The following AFF3 variants were observed in gnomAD, a reference collection of about 807,000 sequenced individuals.
AFF3 encodes ALF transcription elongation factor 3, also known as AF4/FMR2 family member 3.
AFF3 carries 32 observed loss-of-function variants against 129.7 expected under a neutral mutation model. That is an observed-to-expected ratio of 0.25 (90% CI 0.19 to 0.33). AFF3 has a LOEUF of 0.33. Ranked by LOEUF, AFF3 falls within the 10% of genes least tolerant of loss-of-function variation. The probability of loss-of-function intolerance (pLI) is 1.00; values close to 1 mark genes in which losing one functional copy is unlikely to be tolerated. For synonymous variants in AFF3, 644 were observed against 635.4 expected, an observed-to-expected ratio of 1.01 and a Z score of -0.20; for missense variants, 1,373 against 1,592.0, an observed-to-expected ratio of 0.86 and a Z score of 2.34.
At chr2:99,595,274 G>C (rs1679170192) in intron 14 of AFF3, among the ~76,000 whole-genome samples, 1 of 152,190 alleles carries the variant, frequency 6.6e-6, no homozygotes, top group African/African-American at 2.4e-5. Flanking sequence ...AGAGAAAACA[G>C]GTGTATTGAG....
At chr2:99,867,081 C>T (rs1231431708) in intron 7 of AFF3, among the ~76,000 whole-genome samples, 1 of 151,568 alleles carries the variant, frequency 6.6e-6, no homozygotes, top group South Asian at 2.1e-4. Context: ...CCCTGCCTCA[C>T]AAGAAAGGGG....
At chr2:99,984,205 T>C (rs17023356) in intron 7 of AFF3, among the ~76,000 whole-genome samples, 1,859 of 152,282 alleles carry the variant, frequency 0.012, 30 homozygotes, top group African/African-American at 0.042. Context: ...CTGAACATAA[T>C]ATGGACAGTG....
intron 5 of AFF3, among the ~76,000 whole-genome samples, chr2:100,008,518 A>G (rs62149313): frequency 0.27 from 40,331 of 151,840 alleles, 8,148 homozygotes; most frequent in African/African-American, 0.56. Context: ...TTGACCTTAT[A>G]ATATGTCAAC....
rs70940192 is a variant in AFF3 at position 99,962,850 on chromosome 2, AAATAATAAT to A, written c.873+43773_873+43781del. On this transcript the variant is annotated intron_variant, in intron 7 of 24. Coordinates refer to ENST00000672756, the MANE Select transcript of AFF3 (RefSeq NM_001386135.1). ...GGAAAGTATGGATGAAAGAGTATTC[AAATAATAAT>A]AATAATAATAATAATAATAATAATA... 4.1e-3 allele frequency among the ~76,000 whole-genome samples: 577 copies of A among 142,056 alleles called. 3 individuals carry two copies. Among genetic ancestry groups the A allele is most frequent in the Middle Eastern group, 0.018 (5 of 278 alleles). The allele number at this position is 142,056 out of a possible 152,430, so 93.2% of individuals were successfully genotyped here. A position where few individuals can be genotyped will look rare whatever the true frequency, so the allele number is the denominator to read the frequency against.
chr2:99,704,389 C>T (rs17022933), intron 11 of AFF3, among the ~76,000 whole-genome samples: 10,623 of 152,164 alleles, frequency 0.07, 438 homozygotes, highest in East Asian at 0.11. Flanking sequence ...GCTGAGCCTC[C>T]TGGAAGACCT....
intron 8 of AFF3, among the ~76,000 whole-genome samples, chr2:99,768,881 T>G (rs528387726): frequency 1.3e-5 from 2 of 152,246 alleles, no homozygotes; most frequent in African/African-American, 2.4e-5. Context: ...TGGAGCACCA[T>G]AGTATGTTAC....
chr2:99,776,862 G>A (rs1683942718), intron 8 of AFF3, among the ~76,000 whole-genome samples: 1 of 152,214 alleles, frequency 6.6e-6, no homozygotes, highest in Non-Finnish European at 1.5e-5. Flanking sequence ...GCATAAGGCA[G>A]AAAATCAGAC....
intron 7 of AFF3, among the ~76,000 whole-genome samples, chr2:99,850,408 G>A (rs1040224793): frequency 6.6e-6 from 1 of 152,186 alleles, no homozygotes; most frequent in Non-Finnish European, 1.5e-5. Context: ...GACCACACTG[G>A]ATGCCTCGTG....
chr2:99,554,678 C>T lies in AFF3; in HGVS notation c.3335+5G>A. 1 of 1,614,180 alleles carries T rather than the reference C, an allele frequency of 6.2e-7. No homozygotes were observed. The highest frequency in any genetic ancestry group is 8.5e-7 in the Non-Finnish European group (1 of 1,180,034). On this transcript the variant is annotated splice_donor_5th_base_variant and intron_variant, in intron 23 of 24. Coordinates refer to ENST00000672756, the MANE Select transcript of AFF3 (RefSeq NM_001386135.1). ...ACGGCATTGACTTTGGAAAAGCGAA[C>T]TTACTTTCCACTGGCCCCCCACGGA...
chr2:99,735,315 C>A (rs918796811), intron 10 of AFF3, among the ~76,000 whole-genome samples: 1 of 151,580 alleles, frequency 6.6e-6, no homozygotes. Flanking sequence ...ATTATAACTT[C>A]ATTGAATAAA....
rs118186227 is a variant in AFF3 at position 99,833,081 on chromosome 2, G to A, written c.921+4396C>T. Among the ~76,000 whole-genome samples the A allele has an allele frequency of 4.4e-4, 67 of 152,272 alleles. No individual in the cohort carries two copies. The East Asian group carries it at 0.011, about 24-fold the overall frequency. ...TCTACCTTCCAGTAGGCAGAGAATGGCAAGTATGTTTTCATTTGATTGACA... is the reference window on the plus strand; with the variant it reads ...TCTACCTTCCAGTAGGCAGAGAATGACAAGTATGTTTTCATTTGATTGACA... On this transcript the variant is annotated intron_variant, in intron 8 of 24. Coordinates refer to ENST00000672756, the MANE Select transcript of AFF3 (RefSeq NM_001386135.1).
intron 13 of AFF3, among the ~76,000 whole-genome samples, chr2:99,632,093 G>C (rs1575555377): frequency 7.5e-6 from 1 of 133,308 alleles, no homozygotes; most frequent in East Asian, 2.3e-4. Context: ...TCAGCTCACT[G>C]CAGCCTCCAC....
chr2:99,928,144 G>GC (rs1300433390), intron 7 of AFF3, among the ~76,000 whole-genome samples: 1 of 152,172 alleles, frequency 6.6e-6, no homozygotes, highest in African/African-American at 2.4e-5. Context: ...TTTGTAAACT[G>GC]CCCGGTCTCA....
chr2:99,796,361 T>C (rs370547454), intron 8 of AFF3, among the ~76,000 whole-genome samples: 131 of 152,330 alleles, frequency 8.6e-4, no homozygotes, highest in African/African-American at 2.9e-3. Flanking sequence ...GTGTCATAAA[T>C]TTGTTTTGCT....
At chr2:99,972,647 T>G (rs375105209) in intron 7 of AFF3, among the ~76,000 whole-genome samples, 1 of 152,212 alleles carries the variant, frequency 6.6e-6, no homozygotes, top group African/African-American at 2.4e-5. Flanking sequence ...GACACAGCCC[T>G]TAGTTTGTTA....
intron 13 of AFF3, among the ~76,000 whole-genome samples, chr2:99,607,119 C>G (rs1039794431): frequency 3.3e-5 from 5 of 152,066 alleles, no homozygotes; most frequent in Non-Finnish European, 7.4e-5. Context: ...GCCAAATACA[C>G]CTTTGAGAGG....
chr2:99,930,026 G>C (rs1696554299), intron 7 of AFF3, among the ~76,000 whole-genome samples: 1 of 151,886 alleles, frequency 6.6e-6, no homozygotes, highest in Non-Finnish European at 1.5e-5. Flanking sequence ...ATGAGATGGA[G>C]ACTGCCACAG....
chr2:99,650,093 C>G (rs541415037), intron 12 of AFF3, among the ~76,000 whole-genome samples: 1 of 152,142 alleles, frequency 6.6e-6, no homozygotes, highest in Non-Finnish European at 1.5e-5. Flanking sequence ...ATTTTTCACT[C>G]GGATTTCAGA....
chr2:99,871,995 C>T (rs1234415976), intron 7 of AFF3, among the ~76,000 whole-genome samples: 1 of 151,880 alleles, frequency 6.6e-6, no homozygotes, highest in Non-Finnish European at 1.5e-5. Context: ...ATCATGAGGT[C>T]AGGAGATCAA....
Sources: allele counts gnomAD v4.1 joint callset (sites outside exome capture counted in the v4.1 genomes callset), GRCh38; gene constraint gnomAD v4.1.1; transcripts MANE v1.5; gene names NCBI Gene and HGNC (gene_info 2026-07-23, HGNC 2026-07-21).